The following HOXD11 variants were observed in gnomAD, a reference collection of about 807,000 sequenced individuals.
HOXD11 encodes the protein homeobox D11, also known as homeobox protein Hox-D11.
HOXD11 carries 16 observed loss-of-function variants against 23.1 expected under a neutral mutation model. That is an observed-to-expected ratio of 0.69 (90% CI 0.47 to 1.05). The LOEUF (loss-of-function observed/expected upper bound fraction) is 1.05, where lower values mean the gene tolerates loss of function less well. Ranked by LOEUF, HOXD11 falls within the 50% of genes least tolerant of loss-of-function variation. The probability of loss-of-function intolerance (pLI) is 0.00; values close to 1 mark genes in which losing one functional copy is unlikely to be tolerated. For missense variants in HOXD11, 564 were observed against 495.6 expected (o/e 1.14, Z -1.31); for synonymous variants, 262 against 224.4 (o/e 1.17, Z -1.50).
chr2:176,111,903 G>A (rs2105390519), downstream of HOXD11, among the ~76,000 whole-genome samples: 1 of 137,030 alleles, frequency 7.3e-6, no homozygotes, highest in South Asian at 2.4e-4. Context: ...AAAGGCTTTT[G>A]TTTATAACAG....
rs765355142 is a variant in HOXD11 at position 176,107,533 on chromosome 2, G to C, written c.178G>C (p.Glu60Gln). The C allele has an allele frequency of 6.2e-7, 1 of 1,612,854 alleles. No homozygotes were observed. The highest frequency in any genetic ancestry group is 8.5e-7 in the Non-Finnish European group (1 of 1,179,576). ...GGCTCCGCACGTCCAGCCCGTGCGC[G>C]AAGTGGCCTTCCGCGACTACGGCCT... ...NLAPHVQPVR[E>Q]VAFRDYGLER... is the part of the protein sequence containing the mutation. Residue 60 changes from glutamate (E) to glutamine (Q), a missense_variant, in exon 1 of 2, where the codon GAA (glutamate) becomes CAA (glutamine). By Grantham distance (29) the Glu-to-Gln change is conservative. Transcript: ENST00000249504.
rs1470227696 is a variant in HOXD11 at position 176,107,332 on chromosome 2, C to G, written c.-24C>G. The G allele has an allele frequency of 1.3e-6, 2 of 1,557,620 alleles. No individual in the cohort carries two copies. The highest frequency in any genetic ancestry group is 2.4e-5 in the South Asian group (2 of 84,916). On this transcript the variant is annotated 5_prime_UTR_variant, in exon 1 of 2. Transcript: ENST00000249504. ...GCTGCGCGGGGAGCGGCCAGAGGCT[C>G]GCTGGCGCGCACGCCGCGGAGTCAT...
chr2:176,107,973 C>A lies in HOXD11; in HGVS notation c.618C>A (p.Gly206=). The A allele has an allele frequency of 1.4e-6, 2 of 1,431,738 alleles. No homozygotes were observed. Among genetic ancestry groups the A allele is most frequent in the South Asian group, 1.4e-5 (1 of 70,000 alleles). 88.7% of individuals were successfully genotyped at this position (1,431,738 alleles called of 1,614,324 possible). A position where few individuals can be genotyped will look rare whatever the true frequency, so the allele number is the denominator to read the frequency against. Residue 206 remains glycine, a synonymous_variant, in exon 1 of 2, where the codon GGC becomes GGA. Coordinates refer to ENST00000249504, the MANE Select transcript of HOXD11 (RefSeq NM_021192.3). ...PPPPAPPQPE[G]AADKGDPRTG... ...CACCCGCGCCGCCACAGCCCGAGGG[C>A]GCAGCCGACAAGGGCGACCCCAGGA... is the stretch of plus-strand genomic sequence containing the variant.
At chr2:176,111,394 T>A (rs564614815), downstream of HOXD11, 4 of 151,846 alleles carry the variant, frequency 2.6e-5, no homozygotes, top group South Asian at 8.4e-4. Context: ...GGCCTGGAGA[T>A]CCACACGAGG....
downstream of HOXD11, among the ~76,000 whole-genome samples, chr2:176,114,061 G>A (rs1018043543): frequency 1.3e-5 from 2 of 152,212 alleles, no homozygotes; most frequent in Non-Finnish European, 2.9e-5. Flanking sequence ...CTTTCTTAGG[G>A]TAGGGAAAAT....
intron 1 of HOXD11, 36 bp downstream of exon 1, chr2:176,108,172 G>A (rs909296747): frequency 8.9e-7 from 1 of 1,128,298 alleles, no homozygotes; most frequent in Admixed American, 4.3e-5. Context: ...GTGGGCCCGG[G>A]GGCCGCGGGG....
rs1559114678 is a variant in HOXD11, at chr2:176,109,730, GA to G, written c.*592del. 1.1e-5 allele frequency: 2 copies of G among 185,330 alleles called. No individual in the cohort carries two copies. Among genetic ancestry groups the G allele is most frequent in the Non-Finnish European group, 2.3e-5 (2 of 87,670 alleles). 11.5% of individuals were successfully genotyped at this position (185,330 alleles called of 1,614,324 possible). ...TTTAGTGGCCAGAACCCATGCAACTGAAAATCGAATGAAATACTTTTTAGTC... is the reference window on the plus strand; with the variant it reads ...TTTAGTGGCCAGAACCCATGCAACTGAAATCGAATGAAATACTTTTTAGTC... On this transcript the variant is annotated 3_prime_UTR_variant, in exon 2 of 2. Transcript: ENST00000249504.
chr2:176,110,906 C>T (rs1326485416), downstream of HOXD11, among the ~76,000 whole-genome samples: 1 of 152,198 alleles, frequency 6.6e-6, no homozygotes, highest in Admixed American at 6.5e-5. Context: ...TAGCTGCTTT[C>T]ACTACAGCTA....
chr2:176,107,763 G>A lies in HOXD11; in HGVS notation c.408G>A (p.Arg136=). ...QRELLPPAGR[R]PDVLFKAPEP... ...AGCTTCTCCCGCCCGCGGGCCGCCG[G>A]CCGGACGTGCTCTTCAAGGCGCCTG... Residue 136 remains arginine (R), a synonymous_variant, in exon 1 of 2, where the codon CGG becomes CGA. Coordinates refer to ENST00000249504, the MANE Select transcript of HOXD11 (RefSeq NM_021192.3). 1 of 1,242,852 alleles carries A rather than the reference G, an allele frequency of 8.0e-7. No individual in the cohort carries two copies. The highest frequency in any genetic ancestry group is 3.5e-5 in the East Asian group (1 of 28,580). The allele number at this position is 1,242,852 out of a possible 1,614,324, so 77.0% of individuals were successfully genotyped here.
rs747356339 is a variant in HOXD11, at chr2:176,107,450, C to G, written c.95C>G (p.Pro32Arg). The G allele has an allele frequency of 1.9e-6, 3 of 1,613,914 alleles. No homozygotes were observed. Among genetic ancestry groups the G allele is most frequent in the Non-Finnish European group, 2.5e-6 (3 of 1,179,956 alleles). The change falls in exon 1 of 2, where the codon CCT (proline) becomes CGT (arginine). Residue 32 changes from proline to arginine, a missense_variant. Coordinates refer to ENST00000249504, the MANE Select transcript of HOXD11 (RefSeq NM_021192.3). ...GCCCCGTCTGACTTCGCTAGCAAGC[C>G]TTCGTTCCTTTCCCAACCGTCGTCC... ...YVAPSDFASK[P>R]SFLSQPSSCQ...
chr2:176,110,674 T>A (rs959377566), downstream of HOXD11, among the ~76,000 whole-genome samples: 1 of 152,190 alleles, frequency 6.6e-6, no homozygotes, highest in Non-Finnish European at 1.5e-5. Flanking sequence ...CCTTAAGTTC[T>A]TCTTGATTTT....
Position 176,107,919 on chromosome 2 carries a change from C to G in HOXD11, c.564C>G (p.Pro188=). The change falls in exon 1 of 2, where the codon CCC becomes CCG. Residue 188 remains proline, a synonymous_variant. Coordinates refer to ENST00000249504, the MANE Select transcript of HOXD11 (RefSeq NM_021192.3). ...AGTTCTACGAGGCAGCGCCCGGGCC[C>G]CCGTTCGCCGGGCCGCAGCCCCCGC... The part of the protein sequence containing the change: ...FDQFYEAAPG[P]PFAGPQPPPP... 7.0e-7 allele frequency: 1 copy of G among 1,427,742 alleles called. No individual in the cohort carries two copies. The highest frequency in any genetic ancestry group is 9.2e-7 in the Non-Finnish European group (1 of 1,090,528). 88.4% of individuals were successfully genotyped at this position (1,427,742 alleles called of 1,614,324 possible).
In HOXD11 at chr2:176,107,592, C is replaced by T. The variant is rs1296507675; in HGVS notation, c.237C>T (p.Gly79=). The T allele has an allele frequency of 5.8e-6, 8 of 1,368,096 alleles. No individual in the cohort carries two copies. The highest frequency in any genetic ancestry group is 3.0e-5 in the East Asian group (1 of 33,456). 84.7% of individuals were successfully genotyped at this position (1,368,096 alleles called of 1,614,324 possible). A position where few individuals can be genotyped will look rare whatever the true frequency, so the allele number is the denominator to read the frequency against. ...ERAKWPYRGG[G]GGGSAGGGSS... is the part of the protein sequence containing the mutation. ...CCAAGTGGCCGTACCGCGGCGGCGG[C>T]GGCGGCGGCAGCGCGGGGGGCGGCA... Residue 79 remains glycine, a synonymous_variant, in exon 1 of 2, where the codon GGC becomes GGT. Coordinates refer to ENST00000249504, the MANE Select transcript of HOXD11 (RefSeq NM_021192.3).
chr2:176,110,342 T>C (rs1186925258), downstream of HOXD11, among the ~76,000 whole-genome samples: 2 of 152,220 alleles, frequency 1.3e-5, no homozygotes, highest in African/African-American at 2.4e-5. Flanking sequence ...AACAGCTTAA[T>C]TGGGTTATAT....
chr2:176,110,710 C>T (rs1476281580), downstream of HOXD11, among the ~76,000 whole-genome samples: 1 of 152,190 alleles, frequency 6.6e-6, no homozygotes, highest in Non-Finnish European at 1.5e-5. Flanking sequence ...CTCACACATA[C>T]ATGCTCACAC....
At chr2:176,111,899 T>G (rs972210450), downstream of HOXD11, among the ~76,000 whole-genome samples, 6 of 141,896 alleles carry the variant, frequency 4.2e-5, 1 homozygote, top group Admixed American at 4.3e-4. Context: ...ATTAAAAGGC[T>G]TTTGTTTATA....
chr2:176,113,015 T>C (rs375385125), downstream of HOXD11, among the ~76,000 whole-genome samples: 9 of 152,190 alleles, frequency 5.9e-5, no homozygotes, highest in African/African-American at 2.2e-4. Flanking sequence ...GAGTCTTTTG[T>C]GTCTGTGCAG....
Position 176,107,340 on chromosome 2 carries a change from C to T in HOXD11, c.-16C>T, listed in dbSNP as rs1689589943. Reference sequence around the variant, plus strand: ...GGGAGCGGCCAGAGGCTCGCTGGCGCGCACGCCGCGGAGTCATGAACGACT... The same window carrying T: ...GGGAGCGGCCAGAGGCTCGCTGGCGTGCACGCCGCGGAGTCATGAACGACT... On this transcript the variant is annotated 5_prime_UTR_variant, in exon 1 of 2. Coordinates refer to ENST00000249504, the MANE Select transcript of HOXD11 (RefSeq NM_021192.3). 1.9e-6 allele frequency: 3 copies of T among 1,560,884 alleles called. No homozygotes were observed. The highest frequency in any genetic ancestry group is 1.4e-5 in the African/African-American group (1 of 73,236).
downstream of HOXD11, among the ~76,000 whole-genome samples, chr2:176,111,676 CAG>C (rs1434503702): frequency 1.3e-5 from 2 of 151,282 alleles, no homozygotes; most frequent in East Asian, 1.9e-4. Context: ...TGGTGTGGAG[CAG>C]AGTTTTAAAA....
Sources: allele counts gnomAD v4.1 joint callset (sites outside exome capture counted in the v4.1 genomes callset), GRCh38; gene constraint gnomAD v4.1.1; transcripts MANE v1.5; gene names NCBI Gene and HGNC (gene_info 2026-07-23, HGNC 2026-07-21).